LRFN5: variants seen among roughly 807,000 people sequenced by gnomAD.
LRFN5 encodes leucine rich repeat and fibronectin type III domain containing 5.
In LRFN5, 24 loss-of-function variants were observed where a neutral mutation model predicts 45.6. The ratio of observed to expected loss-of-function variants is 0.53; its 90% CI spans 0.38 to 0.74. The LOEUF is 0.74. Among genes scored for constraint, LRFN5 ranks in the 30% least tolerant of loss-of-function variants. The pLI is 0.00. For synonymous variants in LRFN5, 340 were observed against 313.8 expected, an observed-to-expected ratio of 1.08 and a Z score of -0.88; for missense variants, 776 against 861.5, an observed-to-expected ratio of 0.90 and a Z score of 1.24.
At chr14:41,785,757 A>G (rs1354111980) in intron 2 of LRFN5, among the ~76,000 whole-genome samples, 1 of 152,132 alleles carries the variant, frequency 6.6e-6, no homozygotes, top group Non-Finnish European at 1.5e-5. Flanking sequence ...TCTGGGAGTG[A>G]TGGGAGACAG....
chr14:41,861,618 A>G (rs1225404617), intron 2 of LRFN5, among the ~76,000 whole-genome samples: 2 of 152,110 alleles, frequency 1.3e-5, no homozygotes, highest in Non-Finnish European at 2.9e-5. Flanking sequence ...TGTATTTCCA[A>G]TGTCTGACAG....
At chr14:41,882,910 G>A (rs1290462101) in intron 2 of LRFN5, among the ~76,000 whole-genome samples, 6 of 144,722 alleles carry the variant, frequency 4.1e-5, no homozygotes, top group Non-Finnish European at 6.0e-5. Flanking sequence ...GTGTAATGGC[G>A]CGATCTCTGC....
intron 4 of LRFN5, 190 bp downstream of exon 4, chr14:41,892,152 C>G (rs1890808409): frequency 2.6e-5 from 26 of 985,278 alleles, no homozygotes; most frequent in Non-Finnish European, 3.1e-5. Flanking sequence ...GGAAAGGCAA[C>G]TCTCAAATTC....
intron 1 of LRFN5, among the ~76,000 whole-genome samples, chr14:41,621,381 T>C (rs1401422080): frequency 1.3e-5 from 2 of 152,104 alleles, no homozygotes; most frequent in African/African-American, 4.8e-5. Context: ...CTATGTGAGC[T>C]GAATTTAAAT....
chr14:41,644,253 A>G (rs1295256148), intron 1 of LRFN5, among the ~76,000 whole-genome samples: 2 of 152,020 alleles, frequency 1.3e-5, no homozygotes, highest in African/African-American at 4.8e-5. Flanking sequence ...CAAGATTCCT[A>G]ATGGACTTTA....
At chr14:41,659,555 G>C (rs949688556) in intron 1 of LRFN5, among the ~76,000 whole-genome samples, 1 of 152,038 alleles carries the variant, frequency 6.6e-6, no homozygotes, top group East Asian at 1.9e-4. Context: ...ATAATCCTTT[G>C]GGTATATACC....
intron 1 of LRFN5, among the ~76,000 whole-genome samples, chr14:41,628,994 C>T (rs1455494314): frequency 6.6e-6 from 1 of 152,042 alleles, no homozygotes; most frequent in Non-Finnish European, 1.5e-5. Flanking sequence ...TGTTAAAATC[C>T]AGTTGTTAGG....
At position 41,887,655 on chromosome 14, in the gene LRFN5, A is replaced by G. The variant is rs762044845; in HGVS notation, c.1030A>G (p.Ile344Val). The G allele has an allele frequency of 4.3e-6, 7 of 1,614,224 alleles. No homozygotes were observed. The highest frequency in any genetic ancestry group is 5.9e-6 in the Non-Finnish European group (7 of 1,180,048). The change falls in exon 3 of 6, where the codon ATT becomes GTT. Residue 344 changes from isoleucine (I) to valine (V), a missense_variant. Coordinates refer to ENST00000298119, the MANE Select transcript of LRFN5 (RefSeq NM_152447.5). This position sits in a 1 kb window ranked among gnomAD's most constrained non-coding sequence, Gnocchi z 4.8. ...GGTGTATGATAACGGAACACTTGAC[A>G]TTCTTATCACAACTGTAAAGGATAC... is the stretch of plus-strand genomic sequence containing the variant. Reference protein sequence around the residue: ...SLVYDNGTLDILITTVKDTGA... With the variant: ...SLVYDNGTLDVLITTVKDTGA...
intron 1 of LRFN5, among the ~76,000 whole-genome samples, chr14:41,753,105 G>C (rs1338866687): frequency 1.3e-5 from 2 of 152,028 alleles, no homozygotes; most frequent in East Asian, 1.9e-4. Flanking sequence ...TGAGGGCTCT[G>C]TTCTGTTCCA....
At chr14:41,698,044 C>A (rs961873949) in intron 1 of LRFN5, among the ~76,000 whole-genome samples, 2 of 151,792 alleles carry the variant, frequency 1.3e-5, no homozygotes. Context: ...TGAACAGAAT[C>A]CTGCACATGA....
chr14:41,885,155 C>CAAAA (rs56318694), intron 2 of LRFN5, among the ~76,000 whole-genome samples: 4 of 129,436 alleles, frequency 3.1e-5, no homozygotes, highest in South Asian at 4.7e-4. Flanking sequence ...CCTGTCTCTA[C>CAAAA]AAAAAAAAAA....
intron 2 of LRFN5, among the ~76,000 whole-genome samples, chr14:41,879,048 G>C (rs1890283321): frequency 1.3e-5 from 2 of 151,484 alleles, no homozygotes; most frequent in African/African-American, 2.4e-5. Flanking sequence ...ATTACTTAGA[G>C]GTCTCACACA....
chr14:41,688,481 G>A (rs540988126), intron 1 of LRFN5, among the ~76,000 whole-genome samples: 14 of 151,824 alleles, frequency 9.2e-5, no homozygotes, highest in African/African-American at 3.1e-4. Context: ...AAATAAATTA[G>A]TAAATTTAAA....
At chr14:41,639,983 A>G (rs1436881663) in intron 1 of LRFN5, among the ~76,000 whole-genome samples, 5 of 109,416 alleles carry the variant, frequency 4.6e-5, no homozygotes, top group South Asian at 2.7e-4. Flanking sequence ...TTTTTTATTT[A>G]CAGCTGGGAT....
chr14:41,714,932 AC>A lies in LRFN5; in HGVS notation c.-196-51921del, dbSNP rs1883431433. On this transcript the variant is annotated intron_variant, in intron 1 of 5. Coordinates refer to ENST00000298119, the MANE Select transcript of LRFN5 (RefSeq NM_152447.5). ...TAAAAAAAAGTGCTGAAAAATCATT[AC>A]GACTTTTTAGAATGTTTCATTTCAA... Among the ~76,000 whole-genome samples the A allele has an allele frequency of 2.0e-5, 3 of 152,242 alleles. No homozygotes were observed. The South Asian group carries it at 6.2e-4, about 32-fold the overall frequency.
chr14:41,860,496 A>G (rs1219748048), intron 2 of LRFN5, among the ~76,000 whole-genome samples: 1 of 152,204 alleles, frequency 6.6e-6, no homozygotes, highest in Non-Finnish European at 1.5e-5. Flanking sequence ...GAAGCTAATC[A>G]TTTTTAATTT....
chr14:41,690,473 C>T (rs1013126432), intron 1 of LRFN5, among the ~76,000 whole-genome samples: 1 of 152,048 alleles, frequency 6.6e-6, no homozygotes. Flanking sequence ...AAATCACTTG[C>T]GCCCTTGGGA....
intron 1 of LRFN5, among the ~76,000 whole-genome samples, chr14:41,662,613 C>T (rs918287238): frequency 6.6e-6 from 1 of 151,836 alleles, no homozygotes; most frequent in Non-Finnish European, 1.5e-5. Flanking sequence ...CTATTGTGGG[C>T]CTGGAGTTGC....
chr14:41,792,933 G>T (rs1044613738), intron 2 of LRFN5, among the ~76,000 whole-genome samples: 5 of 148,884 alleles, frequency 3.4e-5, no homozygotes, highest in African/African-American at 1.2e-4. Context: ...TCACTCATAG[G>T]TGGGAATTGA....
Sources: allele counts gnomAD v4.1 joint callset (sites outside exome capture counted in the v4.1 genomes callset), GRCh38; gene constraint gnomAD v4.1.1; non-coding constraint Gnocchi (gnomAD v3.1); transcripts MANE v1.5; gene names NCBI Gene and HGNC (gene_info 2026-07-23, HGNC 2026-07-21).